CNTN2: variants seen among roughly 807,000 people sequenced by gnomAD.
CNTN2 encodes contactin-2.
Under a neutral mutation model 117.5 loss-of-function variants are expected in CNTN2, and 53 were observed. The observed-to-expected ratio is 0.45, with a 90% CI of 0.36 to 0.57. CNTN2 has a LOEUF of 0.57. Among genes scored for constraint, CNTN2 ranks in the 20% least tolerant of loss-of-function variants. CNTN2 has a pLI of 0.00. For synonymous variants in CNTN2, 530 were observed against 561.7 expected (o/e 0.94, Z 0.80); for missense variants, 1,106 against 1,404.3 (o/e 0.79, Z 3.39).
At position 205,075,269 on chromosome 1, in the gene CNTN2, ATTGG is replaced by A. The variant is rs1279284406; in HGVS notation, c.*1505_*1508del. ...GGGGTTCGGATTGGTGATCATGGGG[ATTGG>A]CATGGCTGGGTTCCCGTCCAAGGTG... On this transcript the variant is annotated 3_prime_UTR_variant, in exon 23 of 23. Coordinates refer to ENST00000331830, the MANE Select transcript of CNTN2 (RefSeq NM_005076.5). 1 of 172,338 alleles carries A rather than the reference ATTGG, an allele frequency of 5.8e-6. No homozygotes were observed. The highest frequency in any genetic ancestry group is 1.2e-5 in the Non-Finnish European group (1 of 81,708). The allele number at this position is 172,338 out of a possible 1,614,324, so 10.7% of individuals were successfully genotyped here.
rs985539801 is a variant in CNTN2, at chr1:205,048,458, G to A, written c.-86-4642G>A. Among the ~76,000 whole-genome samples the A allele has an allele frequency of 2.6e-5, 4 of 151,902 alleles. No homozygotes were observed. The highest frequency in any genetic ancestry group is 9.7e-5 in the African/African-American group (4 of 41,330). ...CCCCCAGTGGTCCACTCCCCCATGT[G>A]CTGGTGCCTTGCAGGACCAGCCCCT... On this transcript the variant is annotated intron_variant, in intron 1 of 22. Transcript: ENST00000331830. This position sits in a 1 kb window ranked among gnomAD's most constrained non-coding sequence, Gnocchi z 4.1.
Position 205,061,224 on chromosome 1 carries a change from T to G in CNTN2, c.798-21T>G. 1 of 1,592,042 alleles carries G rather than the reference T, an allele frequency of 6.3e-7. No individual in the cohort carries two copies. The highest frequency in any genetic ancestry group is 1.1e-5 in the South Asian group (1 of 88,822). ...TAGGCCCAGCTCAGCCCACACCCTCTGGCTTTGTCTCTCCTGCCAGCCCTG... is the reference window on the plus strand; with the variant it reads ...TAGGCCCAGCTCAGCCCACACCCTCGGGCTTTGTCTCTCCTGCCAGCCCTG... On this transcript the variant is annotated intron_variant, in intron 7 of 22. Transcript: ENST00000331830. The surrounding 1 kb of genome is among the most constrained non-coding windows in gnomAD (Gnocchi z 4.8).
rs569433119 is a variant in CNTN2, at chr1:205,064,487, C to T, written c.1391+15C>T. The T allele has an allele frequency of 6.3e-7, 1 of 1,595,408 alleles. No individual in the cohort carries two copies. The highest frequency in any genetic ancestry group is 8.6e-7 in the Non-Finnish European group (1 of 1,165,940). Reference sequence around the variant, plus strand: ...AACAGCAGCAGGTACCACCCACACCCCACCCTGCACAGTTCCTGCTCCTCC... The same window carrying T: ...AACAGCAGCAGGTACCACCCACACCTCACCCTGCACAGTTCCTGCTCCTCC... On this transcript the variant is annotated intron_variant, in intron 11 of 22. Transcript: ENST00000331830.
At position 205,076,525 on chromosome 1, in the gene CNTN2, C is replaced by G. The variant is rs1654872776; in HGVS notation, c.*2760C>G. The G allele has an allele frequency of 6.6e-6, 1 of 152,128 alleles. No homozygotes were observed. Among genetic ancestry groups the G allele is most frequent in the African/African-American group, 2.4e-5 (1 of 41,396 alleles). 9.4% of individuals were successfully genotyped at this position (152,128 alleles called of 1,614,324 possible). A position where few individuals can be genotyped will look rare whatever the true frequency, so the allele number is the denominator to read the frequency against. The stretch of plus-strand genomic sequence containing the variant: ...ATGAGACCACAGTTCTGGGTTATCT[C>G]CTCTCATACATCAAGCCCCAGAGGA... On this transcript the variant is annotated 3_prime_UTR_variant, in exon 23 of 23. Coordinates refer to ENST00000331830, the MANE Select transcript of CNTN2 (RefSeq NM_005076.5).
chr1:205,072,772 A>T, intron 21 of CNTN2, 177 bp downstream of exon 21: 1 of 675,642 alleles, frequency 1.5e-6, no homozygotes, highest in Non-Finnish European at 2.6e-6. Flanking sequence ...TGCAGTAGAA[A>T]CTATAAAAAC....
At chr1:205,060,070 T>C (rs1653891636) in intron 7 of CNTN2, 2 of 236,802 alleles carry the variant, frequency 8.4e-6, no homozygotes, top group Admixed American at 5.1e-5. Flanking sequence ...AGTTTCTTTA[T>C]GGTGGTGATA....
At position 205,076,805 on chromosome 1, in the gene CNTN2, A is replaced by AG. The variant is rs1027349193; in HGVS notation, c.*3043dup. On this transcript the variant is annotated 3_prime_UTR_variant, in exon 23 of 23. Transcript: ENST00000331830. ...GGCAGCTCTCTCCAGACAGAGTCTC[A>AG]GGGCCCAGCAAGGTCAGGTTATCTG... 6.6e-6 allele frequency: 1 copy of AG among 152,346 alleles called. No individual in the cohort carries two copies. The highest frequency in any genetic ancestry group is 1.5e-5 in the Non-Finnish European group (1 of 68,178). 9.4% of individuals were successfully genotyped at this position (152,346 alleles called of 1,614,324 possible). A position where few individuals can be genotyped will look rare whatever the true frequency, so the allele number is the denominator to read the frequency against.
chr1:205,049,776 G>A (rs896082943), intron 1 of CNTN2, among the ~76,000 whole-genome samples: 6 of 152,222 alleles, frequency 3.9e-5, no homozygotes, highest in African/African-American at 1.4e-4. Context: ...TGCCAACGGG[G>A]TGATTTTCCA....
At position 205,061,001 on chromosome 1, in the gene CNTN2, T is replaced by C. The variant is rs953932585; in HGVS notation, c.798-244T>C. 7 of 470,060 alleles carry C rather than the reference T, an allele frequency of 1.5e-5. No individual in the cohort carries two copies. Among genetic ancestry groups the C allele is most frequent in the African/African-American group, 1.4e-4 (7 of 50,036 alleles). 29.1% of individuals were successfully genotyped at this position (470,060 alleles called of 1,614,324 possible). On this transcript the variant is annotated intron_variant, in intron 7 of 22. Coordinates refer to ENST00000331830, the MANE Select transcript of CNTN2 (RefSeq NM_005076.5). This position sits in a 1 kb window ranked among gnomAD's most constrained non-coding sequence, Gnocchi z 4.8. The stretch of plus-strand genomic sequence containing the variant: ...AGACCCCGCAGAAGCCCGGCTTCAC[T>C]GGCTCCAGGGTTGTTGCAGGGGGGA...
At position 205,048,910 on chromosome 1, in the gene CNTN2, CGTGT is replaced by C. The variant is rs4017875; in HGVS notation, c.-86-4143_-86-4140del. On this transcript the variant is annotated intron_variant, in intron 1 of 22. Coordinates refer to ENST00000331830, the MANE Select transcript of CNTN2 (RefSeq NM_005076.5). This position sits in a 1 kb window ranked among gnomAD's most constrained non-coding sequence, Gnocchi z 4.1. ...GCTCCAGCCTTTAGCCCAGACTCTG[CGTGT>C]GTGTGTGTGTGTGTGTGTGTGTGTG... 0.2 allele frequency among the ~76,000 whole-genome samples: 24,917 copies of C among 127,596 alleles called. 2,347 individuals are homozygous for C. Among genetic ancestry groups the C allele is most frequent in the Non-Finnish European group, 0.22 (13,277 of 59,464 alleles). 83.7% of individuals were successfully genotyped at this position (127,596 alleles called of 152,430 possible).
In CNTN2 at chr1:205,066,593, C is replaced by G. The variant is rs2305276; in HGVS notation, c.1969C>G (p.Arg657Gly). ...TPPAGKWKQV[R>G]TNPANIEGNA... ...ACCTGCAGGGAAGTGGAAGCAGGTT[C>G]GGACCAGTAAGTGTGAGCCCCACCT... The change falls in exon 15 of 23, where the codon CGG becomes GGG. Residue 657 changes from arginine to glycine, a missense_variant. Arg to Gly is a moderately radical substitution (Grantham distance 125). Transcript: ENST00000331830. 1.9e-6 allele frequency: 3 copies of G among 1,613,754 alleles called. No individual in the cohort carries two copies. The highest frequency in any genetic ancestry group is 1.7e-6 in the Non-Finnish European group (2 of 1,179,968).
At chr1:205,049,141 C>T (rs890016794) in intron 1 of CNTN2, among the ~76,000 whole-genome samples, 4 of 151,918 alleles carry the variant, frequency 2.6e-5, no homozygotes, top group Non-Finnish European at 5.9e-5. Flanking sequence ...CCGGATTATT[C>T]GTGATTACCC....
intron 19 of CNTN2, among the ~76,000 whole-genome samples, chr1:205,071,522 T>C (rs1655932331): frequency 6.6e-6 from 1 of 152,204 alleles, no homozygotes; most frequent in Admixed American, 6.5e-5. Flanking sequence ...CTTCATGCTA[T>C]GATTACCATG....
chr1:205,068,300 C>T (rs1418462270), intron 16 of CNTN2: 1 of 152,258 alleles, frequency 6.6e-6, no homozygotes, highest in South Asian at 2.1e-4. Context: ...GCCTCACCTC[C>T]TCTACAGACC....
Position 205,059,381 on chromosome 1 carries a change from G to A in CNTN2, c.697+88G>A, listed in dbSNP as rs994075708. The A allele has an allele frequency of 1.5e-6, 2 of 1,376,768 alleles. No homozygotes were observed. 85.3% of individuals were successfully genotyped at this position (1,376,768 alleles called of 1,614,324 possible). A position where few individuals can be genotyped will look rare whatever the true frequency, so the allele number is the denominator to read the frequency against. On this transcript the variant is annotated intron_variant, in intron 6 of 22. Transcript: ENST00000331830. This position sits in a 1 kb window ranked among gnomAD's most constrained non-coding sequence, Gnocchi z 5.6. ...AGGGTTTTTCCTTTGGAGATTGGAAGATCAGCTTGCAGGGCACTGATTCCA... is the reference window on the plus strand; with the variant it reads ...AGGGTTTTTCCTTTGGAGATTGGAAAATCAGCTTGCAGGGCACTGATTCCA...
At chr1:205,060,934 A>G in intron 7 of CNTN2, 1 of 294,374 alleles carries the variant, frequency 3.4e-6, no homozygotes, top group Non-Finnish European at 6.3e-6. Flanking sequence ...ACCCAGAGGC[A>G]TGGTGACCGG....
At position 205,065,201 on chromosome 1, in the gene CNTN2, C is replaced by T. The variant is rs1441814509; in HGVS notation, c.1634C>T (p.Thr545Ile). ...ACCATGGACCTCACCTTCACCTGGA[C>T]CCTGGACGACTTCCCCATCGACTTT... ...DPTMDLTFTW[T>I]LDDFPIDFDK... The change falls in exon 13 of 23, where the codon ACC (threonine) becomes ATC (isoleucine). Residue 545 changes from threonine to isoleucine, a missense_variant. Thr to Ile is a moderately conservative substitution (Grantham distance 89, BLOSUM62 -1). Transcript: ENST00000331830. The surrounding 1 kb of genome is among the most constrained non-coding windows in gnomAD (Gnocchi z 4.1). 1 of 1,614,156 alleles carries T rather than the reference C, an allele frequency of 6.2e-7. No individual in the cohort carries two copies. The highest frequency in any genetic ancestry group is 8.5e-7 in the Non-Finnish European group (1 of 1,180,022).
intron 1 of CNTN2, among the ~76,000 whole-genome samples, chr1:205,049,751 G>A (rs1255790036): frequency 6.6e-6 from 1 of 152,240 alleles, no homozygotes; most frequent in Non-Finnish European, 1.5e-5. Flanking sequence ...CAGGCATCAG[G>A]ACGCAGCACA....
At position 205,075,546 on chromosome 1, in the gene CNTN2, G is replaced by A. The variant is rs1344574196; in HGVS notation, c.*1781G>A. On this transcript the variant is annotated 3_prime_UTR_variant, in exon 23 of 23. Transcript: ENST00000331830. ...CTGTTTTCTGTAGTTTATAGTTAGA[G>A]CTCTATTTTGTTATGGTTTTTTAAA... 1.3e-5 allele frequency: 2 copies of A among 152,604 alleles called. No homozygotes were observed. The highest frequency in any genetic ancestry group is 3.9e-4 in the East Asian group (2 of 5,186). 9.5% of individuals were successfully genotyped at this position (152,604 alleles called of 1,614,324 possible).
Sources: gnomAD v4.1 joint callset for allele counts (sites outside exome capture counted in the v4.1 genomes callset) on GRCh38, gnomAD v4.1.1 for gene constraint, Gnocchi (gnomAD v3.1) non-coding constraint, MANE v1.5 for transcripts, NCBI Gene and HGNC (gene_info 2026-07-23, HGNC 2026-07-21) for gene names.